Variants in MBD3 observed in about 807,000 individuals in gnomAD.
The protein encoded by MBD3 is methyl-CpG binding domain protein 3.
A neutral mutation model predicts 31.2 loss-of-function variants in MBD3; 13 were observed. The observed-to-expected ratio is 0.42, with a 90% CI of 0.27 to 0.66. The LOEUF (loss-of-function observed/expected upper bound fraction) is 0.66. Among genes scored for constraint, MBD3 ranks in the 30% least tolerant of loss-of-function variants. The pLI, the probability that MBD3 is intolerant of heterozygous loss-of-function variation, is 0.26. For missense variants in MBD3, 440 were observed against 426.5 expected, an observed-to-expected ratio of 1.03 and a Z score of -0.28; for synonymous variants, 223 against 187.4, an observed-to-expected ratio of 1.19 and a Z score of -1.55.
At chr19:1,580,605 C>T (rs550982356) in intron 5 of MBD3, among the ~76,000 whole-genome samples, 12 of 152,380 alleles carry the variant, frequency 7.9e-5, no homozygotes, top group Admixed American at 2.6e-4. Flanking sequence ...GAAGTGGGTT[C>T]GGCCCTGAGG....
At chr19:1,582,315 T>C (rs2060656306) in intron 4 of MBD3, among the ~76,000 whole-genome samples, 1 of 152,158 alleles carries the variant, frequency 6.6e-6, no homozygotes, top group Non-Finnish European at 1.5e-5. Flanking sequence ...TGTTTGTTTA[T>C]TTAGGATCTC....
rs752269261 is a variant in MBD3 at position 1,585,098 on chromosome 19, T to C, written c.227A>G (p.Lys76Arg). 6.2e-7 allele frequency: 1 copy of C among 1,612,708 alleles called. No individual in the cohort carries two copies. Among genetic ancestry groups the C allele is most frequent in the Non-Finnish European group, 8.5e-7 (1 of 1,179,500 alleles). Residue 76 changes from lysine (K) to arginine (R), a missense_variant, in exon 2 of 7, where the codon AAG becomes AGG. Coordinates refer to ENST00000434436, the MANE Select transcript of MBD3 (RefSeq NM_001281453.2). This position sits in a 1 kb window ranked among gnomAD's most constrained non-coding sequence, Gnocchi z 4.1. ...GTCGTAGCGCACGCGCTGGCGGCTC[T>C]TGTTCATCTTGCTCATCAGCATCTT... ...TGKMLMSKMN[K>R]SRQRVRYDSS...
At position 1,584,524 on chromosome 19, in the gene MBD3, T is replaced by C; in HGVS notation, c.408+16A>G. 6.2e-7 allele frequency: 1 copy of C among 1,612,374 alleles called. No homozygotes were observed. The highest frequency in any genetic ancestry group is 8.5e-7 in the Non-Finnish European group (1 of 1,179,748). On this transcript the variant is annotated intron_variant, in intron 3 of 6. Transcript: ENST00000434436. Reference sequence around the variant, plus strand: ...ACCCGGCCGGGAAGGCTGGGGTCGCTGTGCGTTGAGCTCACCTGGCGCGGC... The same window carrying C: ...ACCCGGCCGGGAAGGCTGGGGTCGCCGTGCGTTGAGCTCACCTGGCGCGGC...
At position 1,578,673 on chromosome 19, in the gene MBD3, C is replaced by G. The variant is rs1917274928; in HGVS notation, c.678-135G>C. The G allele has an allele frequency of 6.5e-7, 1 of 1,537,090 alleles. No individual in the cohort carries two copies. Among genetic ancestry groups the G allele is most frequent in the Non-Finnish European group, 8.9e-7 (1 of 1,128,316 alleles). On this transcript the variant is annotated intron_variant, in intron 5 of 6. Coordinates refer to ENST00000434436, the MANE Select transcript of MBD3 (RefSeq NM_001281453.2). The surrounding 1 kb of genome is among the most constrained non-coding windows in gnomAD (Gnocchi z 6.1). Reference sequence around the variant, plus strand: ...GCACCCCCCCAGGACCAGCCCTGGCCCGTGCCACCCCTCCCTTCACAATCC... The same window carrying G: ...GCACCCCCCCAGGACCAGCCCTGGCGCGTGCCACCCCTCCCTTCACAATCC...
Position 1,585,405 on chromosome 19 carries a change from C to T in MBD3, c.111-191G>A. 2 of 614,624 alleles carry T rather than the reference C, an allele frequency of 3.3e-6. No individual in the cohort carries two copies. The highest frequency in any genetic ancestry group is 5.7e-6 in the Non-Finnish European group (2 of 353,588). The allele number at this position is 614,624 out of a possible 1,614,324, so 38.1% of individuals were successfully genotyped here. ...CCCAGACCCCAACCCTGGCGTGACCCCAGACCTTCATCCCAGACCCCAGCA... is the reference window on the plus strand; with the variant it reads ...CCCAGACCCCAACCCTGGCGTGACCTCAGACCTTCATCCCAGACCCCAGCA... On this transcript the variant is annotated intron_variant, in intron 1 of 6. Coordinates refer to ENST00000434436, the MANE Select transcript of MBD3 (RefSeq NM_001281453.2). This position sits in a 1 kb window ranked among gnomAD's most constrained non-coding sequence, Gnocchi z 4.1.
Position 1,585,575 on chromosome 19 carries a change from T to TA in MBD3, c.111-362dup. The TA allele has an allele frequency of 3.3e-6, 1 of 300,294 alleles. No individual in the cohort carries two copies. The highest frequency in any genetic ancestry group is 8.7e-5 in the East Asian group (1 of 11,556). 18.6% of individuals were successfully genotyped at this position (300,294 alleles called of 1,614,324 possible). A position where few individuals can be genotyped will look rare whatever the true frequency, so the allele number is the denominator to read the frequency against. ...GGTCCCCTCTGAATCCTCCCCACCG[T>TA]AGGCCCTGGCAGCGTCAGGCACAGC... On this transcript the variant is annotated intron_variant, in intron 1 of 6. Coordinates refer to ENST00000434436, the MANE Select transcript of MBD3 (RefSeq NM_001281453.2). This position sits in a 1 kb window ranked among gnomAD's most constrained non-coding sequence, Gnocchi z 4.1.
intron 1 of MBD3, among the ~76,000 whole-genome samples, chr19:1,590,034 G>T (rs926031659): frequency 6.6e-6 from 1 of 152,286 alleles, no homozygotes; most frequent in East Asian, 1.9e-4. Context: ...GGGGCCGGGT[G>T]TGGTGGCTCA....
chr19:1,582,803 T>G, intron 3 of MBD3, 91 bp from the exon 4 acceptor site: 2 of 1,166,024 alleles, frequency 1.7e-6, no homozygotes, highest in Non-Finnish European at 2.5e-6. Flanking sequence ...CCACCTGGCC[T>G]CCTTGCCCCA....
chr19:1,581,489 T>G, intron 4 of MBD3: 1 of 604,288 alleles, frequency 1.7e-6, no homozygotes, highest in Non-Finnish European at 3.0e-6. Context: ...CCGCCTGTAA[T>G]CCCAGCATCT....
At chr19:1,588,062 C>T (rs1260975708) in intron 1 of MBD3, among the ~76,000 whole-genome samples, 1 of 152,214 alleles carries the variant, frequency 6.6e-6, no homozygotes, top group South Asian at 2.1e-4. Flanking sequence ...TTAGCTCAAT[C>T]GCCTCTATCC....
At chr19:1,588,075 G>A (rs1259420399) in intron 1 of MBD3, among the ~76,000 whole-genome samples, 2 of 152,170 alleles carry the variant, frequency 1.3e-5, no homozygotes, top group African/African-American at 4.8e-5. Flanking sequence ...CTCTATCCAG[G>A]ATCTATGTAC....
At chr19:1,592,488 G>T in intron 1 of MBD3, 34 bp downstream of exon 1, 2 of 1,237,608 alleles carry the variant, frequency 1.6e-6, no homozygotes, top group Non-Finnish European at 2.2e-6. Flanking sequence ...GGAGGAGCCC[G>T]TTGAGGCCCT....
intron 1 of MBD3, among the ~76,000 whole-genome samples, chr19:1,589,010 T>C (rs1418686414): frequency 6.6e-6 from 1 of 152,082 alleles, no homozygotes; most frequent in Non-Finnish European, 1.5e-5. Flanking sequence ...CTGTATTGTA[T>C]GGTACATAAA....
intron 3 of MBD3, among the ~76,000 whole-genome samples, chr19:1,584,233 C>G (rs1234736602): frequency 2.0e-5 from 3 of 150,448 alleles, no homozygotes; most frequent in Non-Finnish European, 4.4e-5. Flanking sequence ...AAGAGGGGAC[C>G]GCAGGACTGG....
intron 3 of MBD3, among the ~76,000 whole-genome samples, 188 bp from the exon 4 acceptor site, chr19:1,582,900 C>A (rs1368410907): frequency 6.6e-6 from 1 of 152,120 alleles, no homozygotes; most frequent in African/African-American, 2.4e-5. Flanking sequence ...ATCCAGTGGA[C>A]GTTTGTAAAT....
intron 3 of MBD3, among the ~76,000 whole-genome samples, chr19:1,584,012 G>A (rs902565757): frequency 3.3e-5 from 5 of 151,338 alleles, no homozygotes; most frequent in African/African-American, 1.2e-4. Flanking sequence ...AGTAGAGACG[G>A]GGTTTCACCA....
Position 1,582,539 on chromosome 19 carries a change from C to A in MBD3, c.499+83G>T, listed in dbSNP as rs940677180. 6 of 1,323,918 alleles carry A rather than the reference C, an allele frequency of 4.5e-6. No homozygotes were observed. In the Admixed American group the frequency reaches 1.1e-4, roughly 25 times the overall value. The allele number at this position is 1,323,918 out of a possible 1,614,324, so 82.0% of individuals were successfully genotyped here. On this transcript the variant is annotated intron_variant, in intron 4 of 6. Coordinates refer to ENST00000434436, the MANE Select transcript of MBD3 (RefSeq NM_001281453.2). ...ACCCAAAGCAGGAACAGCCATCCAC[C>A]CTGCCAGGAGATGAGGGCACCTGCA...
rs1035912777 is a variant in MBD3, at chr19:1,575,186, T to C, written c.*2978A>G. 3.0e-5 allele frequency: 13 copies of C among 435,146 alleles called. No homozygotes were observed. Among genetic ancestry groups the C allele is most frequent in the Admixed American group, 2.9e-4 (12 of 41,256 alleles). 27.0% of individuals were successfully genotyped at this position (435,146 alleles called of 1,614,324 possible). A position where few individuals can be genotyped will look rare whatever the true frequency, so the allele number is the denominator to read the frequency against. ...GGTTCACACCTGTAATCCCGGCAATTTGGGAAGCTGGGGCGGGCGGATCAC... is the reference window on the plus strand; with the variant it reads ...GGTTCACACCTGTAATCCCGGCAATCTGGGAAGCTGGGGCGGGCGGATCAC... On this transcript the variant is annotated 3_prime_UTR_variant, in exon 7 of 7. Coordinates refer to ENST00000434436, the MANE Select transcript of MBD3 (RefSeq NM_001281453.2).
rs1024125075 is a variant in MBD3, at chr19:1,588,160, T to C, written c.111-2946A>G. 2.0e-5 allele frequency among the ~76,000 whole-genome samples: 3 copies of C among 152,048 alleles called. No individual in the cohort carries two copies. In the South Asian group the frequency reaches 6.2e-4, roughly 32 times the overall value. ...CCCCAACCCCGGGCAAATTCCATGG[T>C]CCACAAGGACACGGGCAGGCTCCAG... On this transcript the variant is annotated intron_variant, in intron 1 of 6. Transcript: ENST00000434436.
Sources: gnomAD v4.1 joint callset for allele counts (sites outside exome capture counted in the v4.1 genomes callset) on GRCh38, gnomAD v4.1.1 for gene constraint, Gnocchi (gnomAD v3.1) non-coding constraint, MANE v1.5 for transcripts, NCBI Gene and HGNC (gene_info 2026-07-23, HGNC 2026-07-21) for gene names.